Variants in LAPTM4B observed in about 807,000 individuals in gnomAD.
LAPTM4B encodes the protein lysosomal-associated transmembrane protein 4B.
LAPTM4B carries 26 observed loss-of-function variants against 28.5 expected under a neutral mutation model. That is an observed-to-expected ratio of 0.91 (90% CI 0.67 to 1.27). LAPTM4B has a LOEUF of 1.27. Among genes scored for constraint, LAPTM4B ranks in the 50% most tolerant of loss-of-function variants. The probability of loss-of-function intolerance (pLI) is 0.00; values close to 1 mark genes in which losing one functional copy is unlikely to be tolerated. For missense variants in LAPTM4B, 288 were observed against 285.8 expected (o/e 1.01, Z -0.06); for synonymous variants, 109 against 106.4 (o/e 1.02, Z -0.15).
At chr8:97,835,242 CTG>C (rs1265366338) in intron 6 of LAPTM4B, among the ~76,000 whole-genome samples, 28 of 152,226 alleles carry the variant, frequency 1.8e-4, no homozygotes, top group Admixed American at 7.9e-4. Context: ...AGGTTGACCT[CTG>C]TGGAAAGATA....
intron 5 of LAPTM4B, among the ~76,000 whole-genome samples, chr8:97,821,332 A>AG (rs1413326234): frequency 6.6e-6 from 1 of 151,490 alleles, no homozygotes; most frequent in Non-Finnish European, 1.5e-5. Context: ...TCTCAAAAAA[A>AG]AATAGTGAAA....
At chr8:97,849,966 G>A (rs1010277770) in intron 6 of LAPTM4B, among the ~76,000 whole-genome samples, 8 of 151,868 alleles carry the variant, frequency 5.3e-5, no homozygotes, top group African/African-American at 1.2e-4. Flanking sequence ...ACGGCTTCCC[G>A]CAGGTGATTC....
intron 1 of LAPTM4B, among the ~76,000 whole-genome samples, chr8:97,780,259 C>G (rs1563598483): frequency 6.6e-6 from 1 of 151,766 alleles, no homozygotes; most frequent in East Asian, 1.9e-4. Context: ...AACCCTGTTT[C>G]TATTAAAAAT....
In LAPTM4B at chr8:97,782,182, T is replaced by C. The variant is rs144719396; in HGVS notation, c.99+6074T>C. Among the ~76,000 whole-genome samples the C allele has an allele frequency of 5.9e-3, 895 of 151,600 alleles. 7 individuals are homozygous for C. The highest frequency in any genetic ancestry group is 0.021 in the African/African-American group (863 of 41,364). ...TTTAGTAGATAACAGGATTTCTCCA[T>C]GTTGGTCAGGCTGGTCTCGAACTCC... On this transcript the variant is annotated intron_variant, in intron 1 of 6. Coordinates refer to ENST00000521545, the MANE Select transcript of LAPTM4B (RefSeq NM_018407.6).
chr8:97,798,978 A>G (rs1186264933), intron 1 of LAPTM4B, among the ~76,000 whole-genome samples: 1 of 152,186 alleles, frequency 6.6e-6, no homozygotes, highest in South Asian at 2.1e-4. Flanking sequence ...TAATGACAAG[A>G]TACATCCTGT....
At chr8:97,845,346 G>GTT (rs376790573) in intron 6 of LAPTM4B, among the ~76,000 whole-genome samples, 102 of 144,762 alleles carry the variant, frequency 7.0e-4, no homozygotes, top group Middle Eastern at 7.1e-3. Flanking sequence ...ATCCTAAGTT[G>GTT]TTTTTTTTTT....
intron 1 of LAPTM4B, among the ~76,000 whole-genome samples, chr8:97,786,457 A>T (rs1816403362): frequency 6.6e-6 from 1 of 151,086 alleles, no homozygotes; most frequent in South Asian, 2.1e-4. Flanking sequence ...TAATCCCAGC[A>T]CTTTGGGAGG....
chr8:97,788,700 AT>A (rs11394203), intron 1 of LAPTM4B, among the ~76,000 whole-genome samples: 3,765 of 147,660 alleles, frequency 0.025, 157 homozygotes, highest in African/African-American at 0.087. Flanking sequence ...TCTGACAGCC[AT>A]TTTTTTTTTT....
chr8:97,829,696 C>G (rs2512049), intron 6 of LAPTM4B, among the ~76,000 whole-genome samples: 1 of 147,284 alleles, frequency 6.8e-6, no homozygotes, highest in Non-Finnish European at 1.5e-5. Flanking sequence ...TTTCTTTCTT[C>G]TTTTTTTTTT....
intron 1 of LAPTM4B, among the ~76,000 whole-genome samples, chr8:97,794,635 A>G (rs1338681495): frequency 1.3e-5 from 2 of 152,226 alleles, no homozygotes; most frequent in Non-Finnish European, 2.9e-5. Context: ...GTCTGATTGA[A>G]ACTTCCCTTT....
At chr8:97,793,871 A>G (rs1816542978) in intron 1 of LAPTM4B, among the ~76,000 whole-genome samples, 1 of 152,158 alleles carries the variant, frequency 6.6e-6, no homozygotes. Flanking sequence ...CAGTGGCACC[A>G]TCATAGCTCA....
chr8:97,815,716 G>A (rs1480994829), intron 3 of LAPTM4B, among the ~76,000 whole-genome samples: 1 of 152,064 alleles, frequency 6.6e-6, no homozygotes, highest in African/African-American at 2.4e-5. Context: ...ACAGGTGTGT[G>A]CCACCACACC....
chr8:97,822,714 TG>T (rs1817026620), intron 5 of LAPTM4B, among the ~76,000 whole-genome samples: 1 of 152,176 alleles, frequency 6.6e-6, no homozygotes, highest in Admixed American at 6.5e-5. Context: ...AAAAATTTTG[TG>T]GGTACATACC....
intron 1 of LAPTM4B, among the ~76,000 whole-genome samples, chr8:97,784,163 A>C (rs1325070400): frequency 6.6e-6 from 1 of 152,190 alleles, no homozygotes; most frequent in Admixed American, 6.5e-5. Context: ...ACCCTGGGTC[A>C]CGCATGATAG....
At chr8:97,803,626 C>T (rs959763082) in intron 1 of LAPTM4B, among the ~76,000 whole-genome samples, 6 of 152,070 alleles carry the variant, frequency 3.9e-5, no homozygotes, top group African/African-American at 1.4e-4. Flanking sequence ...TTCCTTTAAA[C>T]AGGTATTTCC....
Position 97,776,559 on chromosome 8 carries a change from G to A in LAPTM4B, c.99+451G>A, listed in dbSNP as rs1050302727. On this transcript the variant is annotated intron_variant, in intron 1 of 6. Transcript: ENST00000521545. Reference sequence around the variant, plus strand: ...GCATATTTTGCAGCTCTGTGGTTAGGGTTGCGGATTTGTCAATGCTCGTTC... The same window carrying A: ...GCATATTTTGCAGCTCTGTGGTTAGAGTTGCGGATTTGTCAATGCTCGTTC... Among the ~76,000 whole-genome samples, 33 of 152,238 alleles carry A rather than the reference G, an allele frequency of 2.2e-4. 1 individual carries two copies. The highest frequency in any genetic ancestry group is 8.8e-5 in the Non-Finnish European group (6 of 68,040).
intron 2 of LAPTM4B, among the ~76,000 whole-genome samples, chr8:97,808,658 A>T (rs1449314805): frequency 2.0e-5 from 3 of 152,154 alleles, no homozygotes; most frequent in Admixed American, 6.5e-5. Flanking sequence ...TAAATGATGG[A>T]AAGTAATTAC....
chr8:97,842,964 C>T (rs557517810), intron 6 of LAPTM4B, among the ~76,000 whole-genome samples: 5 of 151,760 alleles, frequency 3.3e-5, no homozygotes, highest in African/African-American at 1.2e-4. Flanking sequence ...CTGCAACCTC[C>T]ACCTCCTGGG....
chr8:97,832,134 G>A (rs1318500596), intron 6 of LAPTM4B, among the ~76,000 whole-genome samples: 7 of 152,172 alleles, frequency 4.6e-5, no homozygotes, highest in Non-Finnish European at 1.0e-4. Context: ...TCCCCCAAAT[G>A]CATCCTACTA....
Sources: allele counts gnomAD v4.1 joint callset (sites outside exome capture counted in the v4.1 genomes callset), GRCh38; gene constraint gnomAD v4.1.1; transcripts MANE v1.5; gene names NCBI Gene and HGNC (gene_info 2026-07-23, HGNC 2026-07-21).